CACNA2D3: variants seen among roughly 807,000 people sequenced by gnomAD.
The protein encoded by CACNA2D3 is calcium voltage-gated channel auxiliary subunit alpha2delta 3, also known as voltage-dependent calcium channel subunit alpha-2/delta-3.
CACNA2D3 carries 60 observed loss-of-function variants against 160.6 expected under a neutral mutation model. That is an observed-to-expected ratio of 0.37 (90% confidence interval 0.30 to 0.46). The LOEUF (loss-of-function observed/expected upper bound fraction) is 0.46. Ranked by LOEUF, CACNA2D3 falls within the 20% of genes least tolerant of loss-of-function variation. The pLI, the probability that CACNA2D3 is intolerant of heterozygous loss-of-function variation, is 1.00. For synonymous variants in CACNA2D3, 558 were observed against 492.9 expected, an observed-to-expected ratio of 1.13 and a Z score of -1.75; for missense variants, 1,205 against 1,365.0, an observed-to-expected ratio of 0.88 and a Z score of 1.85.
At chr3:54,709,918 C>T (rs1429062618) in intron 11 of CACNA2D3, among the ~76,000 whole-genome samples, 1 of 152,174 alleles carries the variant, frequency 6.6e-6, no homozygotes, top group Non-Finnish European at 1.5e-5. Flanking sequence ...GAGCAAGACC[C>T]TGTCTCTAAA....
At chr3:54,930,011 A>G (rs1701145415) in intron 27 of CACNA2D3, among the ~76,000 whole-genome samples, 1 of 152,178 alleles carries the variant, frequency 6.6e-6, no homozygotes, top group Admixed American at 6.5e-5. Context: ...GATAGTAAAC[A>G]TTTTAGACCT....
intron 32 of CACNA2D3, 37 bp downstream of exon 32, chr3:55,004,875 A>G (rs1703057793): frequency 1.4e-6 from 2 of 1,401,268 alleles, no homozygotes. Context: ...ACAGCCACAC[A>G]TTTCTGTCTT....
intron 35 of CACNA2D3, among the ~76,000 whole-genome samples, chr3:55,029,921 G>A (rs1483718788): frequency 1.3e-5 from 2 of 152,074 alleles, no homozygotes; most frequent in Admixed American, 6.6e-5. Context: ...TAAATCAATA[G>A]GATTCATTTT....
At chr3:54,663,259 GGGA>G (rs1700003583) in intron 11 of CACNA2D3, among the ~76,000 whole-genome samples, 1 of 152,198 alleles carries the variant, frequency 6.6e-6, no homozygotes, top group African/African-American at 2.4e-5. Flanking sequence ...CTAGCTGTGT[GGGA>G]AGATCTGTGG....
chr3:54,235,044 T>C (rs1701848011), intron 2 of CACNA2D3, among the ~76,000 whole-genome samples: 1 of 152,240 alleles, frequency 6.6e-6, no homozygotes, highest in East Asian at 1.9e-4. Flanking sequence ...CTTCCAGATC[T>C]TGGTTTCTAA....
At position 54,814,032 on chromosome 3, in the gene CACNA2D3, AT is replaced by A. The variant is rs1263762068; in HGVS notation, c.1381-2813del. 4.0e-5 allele frequency among the ~76,000 whole-genome samples: 6 copies of A among 151,250 alleles called. No individual in the cohort carries two copies. The Middle Eastern group carries it at 0.017, about 429-fold the overall frequency. ...AGCCATGTGCCACCATTCCCAGCTA[AT>A]TTTTTTTGTATTTTTTGTAGAGATG... On this transcript the variant is annotated intron_variant, in intron 13 of 37. Transcript: ENST00000474759.
At chr3:54,549,017 G>A (rs1022622602) in intron 5 of CACNA2D3, among the ~76,000 whole-genome samples, 2 of 152,162 alleles carry the variant, frequency 1.3e-5, no homozygotes, top group East Asian at 3.8e-4. Flanking sequence ...AAGAAACAAA[G>A]CAAATTCCTT....
At position 54,809,311 on chromosome 3, in the gene CACNA2D3, C is replaced by CTTTTTTTTTTTTTT. The variant is rs1217898723; in HGVS notation, c.1381-7537_1381-7524dup. Among the ~76,000 whole-genome samples, 584 of 80,700 alleles carry CTTTTTTTTTTTTTT rather than the reference C, an allele frequency of 7.2e-3. 44 individuals carry two copies. The highest frequency in any genetic ancestry group is 0.028 in the African/African-American group (468 of 16,810). 52.9% of individuals were successfully genotyped at this position (80,700 alleles called of 152,430 possible). ...TCTTTCTTTCCTTCCTTCCTTCTTT[C>CTTTTTTTTTTTTTT]TTTTTTTTTTTTTTTTTTGAGACGG... On this transcript the variant is annotated intron_variant, in intron 13 of 37. Transcript: ENST00000474759.
At chr3:54,479,752 CT>C (rs1444549818) in intron 4 of CACNA2D3, among the ~76,000 whole-genome samples, 6 of 152,130 alleles carry the variant, frequency 3.9e-5, no homozygotes, top group African/African-American at 1.4e-4. Context: ...TATTTAAGCA[CT>C]TATCAAATAT....
chr3:54,800,799 A>G (rs1702967720), intron 13 of CACNA2D3, among the ~76,000 whole-genome samples: 1 of 152,170 alleles, frequency 6.6e-6, no homozygotes, highest in Non-Finnish European at 1.5e-5. Context: ...ACCTTCAGTG[A>G]CCAGTCCACA....
At chr3:54,778,843 C>G (rs1702475497) in intron 13 of CACNA2D3, among the ~76,000 whole-genome samples, 2 of 152,144 alleles carry the variant, frequency 1.3e-5, no homozygotes, top group African/African-American at 4.8e-5. Flanking sequence ...AGCATCCTTG[C>G]TCAAGGCCAT....
chr3:54,872,473 C>T (rs1037250768), intron 18 of CACNA2D3, among the ~76,000 whole-genome samples: 1 of 152,158 alleles, frequency 6.6e-6, no homozygotes, highest in Non-Finnish European at 1.5e-5. Context: ...TTAAGTTCCA[C>T]TGTTGAGTTG....
intron 2 of CACNA2D3, among the ~76,000 whole-genome samples, chr3:54,224,311 CTAAAA>C (rs1250174969): frequency 6.6e-6 from 1 of 151,994 alleles, no homozygotes; most frequent in Non-Finnish European, 1.5e-5. Flanking sequence ...GGAGTACACT[CTAAAA>C]TAACATTAAA....
chr3:54,317,097 A>G (rs62256063), intron 2 of CACNA2D3, among the ~76,000 whole-genome samples: 34,870 of 152,152 alleles, frequency 0.23, 4,233 homozygotes, highest in East Asian at 0.36. Context: ...CTGAGTTTCA[A>G]TGTTGGTTTT....
chr3:54,285,166 G>A (rs1046888477), intron 2 of CACNA2D3, among the ~76,000 whole-genome samples: 2 of 152,186 alleles, frequency 1.3e-5, no homozygotes, highest in Admixed American at 6.5e-5. Context: ...GGGTCAGGGA[G>A]TTCCCTTTCC....
chr3:54,248,962 A>G (rs780268277), intron 2 of CACNA2D3, among the ~76,000 whole-genome samples: 15 of 152,210 alleles, frequency 9.9e-5, no homozygotes, highest in Admixed American at 2.6e-4. Context: ...ATATTTGGTT[A>G]TGAATATGTA....
chr3:55,029,122 G>T (rs1703628354), intron 35 of CACNA2D3, among the ~76,000 whole-genome samples: 1 of 152,132 alleles, frequency 6.6e-6, no homozygotes, highest in African/African-American at 2.4e-5. Context: ...GTGCCCTGCA[G>T]GTGTTTCTAC....
intron 9 of CACNA2D3, among the ~76,000 whole-genome samples, chr3:54,585,927 C>G (rs1384760172): frequency 6.6e-6 from 1 of 152,076 alleles, no homozygotes; most frequent in Non-Finnish European, 1.5e-5. Flanking sequence ...TAAAAAAACA[C>G]AAACAAACAT....
intron 29 of CACNA2D3, among the ~76,000 whole-genome samples, chr3:54,977,267 T>C (rs1422318433): frequency 6.6e-6 from 1 of 152,186 alleles, no homozygotes; most frequent in Non-Finnish European, 1.5e-5. Context: ...TCTTTGGAAG[T>C]ACAGCTCATG....
Sources: allele counts gnomAD v4.1 joint callset (sites outside exome capture counted in the v4.1 genomes callset), GRCh38; gene constraint gnomAD v4.1.1; transcripts MANE v1.5; gene names NCBI Gene and HGNC (gene_info 2026-07-23, HGNC 2026-07-21).